The following CCNY variants were observed in gnomAD, a reference collection of about 807,000 sequenced individuals.
CCNY encodes cyclin Y, also known as cyclin-Y.
In CCNY, 19 loss-of-function variants were observed where a neutral mutation model predicts 42.8. The observed-to-expected ratio is 0.44, with a 90% CI of 0.31 to 0.65. The LOEUF (loss-of-function observed/expected upper bound fraction) is 0.65, where lower values mean the gene tolerates loss of function less well. Ranked by LOEUF, CCNY falls within the 30% of genes least tolerant of loss-of-function variation. The probability of loss-of-function intolerance (pLI) is 0.07; values close to 1 mark genes in which losing one functional copy is unlikely to be tolerated. For synonymous variants in CCNY, 165 were observed against 162.7 expected (o/e 1.01, Z -0.11); for missense variants, 370 against 437.3 (o/e 0.85, Z 1.37).
chr10:35,545,266 C>A (rs1399034764), intron 7 of CCNY, among the ~76,000 whole-genome samples: 1 of 152,226 alleles, frequency 6.6e-6, no homozygotes, highest in Admixed American at 6.5e-5. Flanking sequence ...GGTCTTTAGA[C>A]AGATATTCTG....
chr10:35,511,353 G>A (rs1464133849), intron 3 of CCNY, among the ~76,000 whole-genome samples: 1 of 152,112 alleles, frequency 6.6e-6, no homozygotes, highest in East Asian at 1.9e-4. Context: ...AGTGACTGGT[G>A]CTGTGGAGGG....
chr10:35,441,012 G>A (rs1197144039), intron 1 of CCNY, among the ~76,000 whole-genome samples: 1 of 152,160 alleles, frequency 6.6e-6, no homozygotes, highest in Non-Finnish European at 1.5e-5. Context: ...AGAAGAGAGA[G>A]TATACAATTG....
chr10:35,418,167 A>G (rs1230852070), intron 1 of CCNY, among the ~76,000 whole-genome samples: 13 of 152,236 alleles, frequency 8.5e-5, no homozygotes, highest in Admixed American at 1.3e-4. Context: ...GCTCTCTTTT[A>G]TATCAGGGCT....
intron 1 of CCNY, among the ~76,000 whole-genome samples, chr10:35,458,920 G>T (rs1042848056): frequency 6.6e-6 from 1 of 152,128 alleles, no homozygotes; most frequent in Non-Finnish European, 1.5e-5. Context: ...TTGATTCAGA[G>T]CAGAAAATGG....
upstream of CCNY, among the ~76,000 whole-genome samples, chr10:35,331,608 A>T (rs1835945464): frequency 6.6e-6 from 1 of 152,178 alleles, no homozygotes; most frequent in Non-Finnish European, 1.5e-5. Context: ...CTTCTCGGCT[A>T]AGCTGGAACA....
intron 3 of CCNY, among the ~76,000 whole-genome samples, chr10:35,288,177 A>G (rs1835376346): frequency 6.6e-6 from 1 of 152,168 alleles, no homozygotes; most frequent in African/African-American, 2.4e-5. Context: ...TAATCCTATT[A>G]TGATTTTAAT....
At chr10:35,499,111 GTGTCT>G (rs1463879147) in intron 2 of CCNY, among the ~76,000 whole-genome samples, 2 of 151,814 alleles carry the variant, frequency 1.3e-5, no homozygotes, top group African/African-American at 4.9e-5. Context: ...ATATTCTTCT[GTGTCT>G]GCTGTAGTTT....
At chr10:35,555,568 A>G (rs1199513862) in intron 8 of CCNY, among the ~76,000 whole-genome samples, 1 of 152,226 alleles carries the variant, frequency 6.6e-6, no homozygotes, top group Non-Finnish European at 1.5e-5. Flanking sequence ...TTTATCCATG[A>G]GGTGGTACTA....
At chr10:35,256,736 T>C (rs373428112) in intron 3 of CCNY, among the ~76,000 whole-genome samples, 2 of 111,724 alleles carry the variant, frequency 1.8e-5, no homozygotes, top group Admixed American at 9.2e-5. Context: ...GTCTCAAAAA[T>C]AAAACATTAA....
chr10:35,503,985 T>A (rs1180594386), intron 3 of CCNY, among the ~76,000 whole-genome samples: 1 of 152,198 alleles, frequency 6.6e-6, no homozygotes, highest in East Asian at 1.9e-4. Context: ...TCAACTGAAA[T>A]TTATCATTTA....
At chr10:35,268,654 G>T (rs1341854218) in intron 3 of CCNY, among the ~76,000 whole-genome samples, 1 of 152,196 alleles carries the variant, frequency 6.6e-6, no homozygotes, top group African/African-American at 2.4e-5. Context: ...TGGCCCCAAG[G>T]CTCTCTGAGG....
At chr10:35,565,457 C>T (rs972916637) in intron 8 of CCNY, among the ~76,000 whole-genome samples, 1 of 152,216 alleles carries the variant, frequency 6.6e-6, no homozygotes, top group Non-Finnish European at 1.5e-5. Flanking sequence ...TGCTTCCATT[C>T]TTCCCGGCTT....
intron 3 of CCNY, among the ~76,000 whole-genome samples, chr10:35,284,851 C>G (rs910186245): frequency 6.6e-6 from 1 of 152,010 alleles, no homozygotes; most frequent in Non-Finnish European, 1.5e-5. Context: ...TGTAATTTCC[C>G]TTGGAACTTC....
intron 4 of CCNY, 121 bp downstream of exon 4, chr10:35,516,744 G>A: frequency 1.6e-6 from 1 of 636,018 alleles, no homozygotes; most frequent in Non-Finnish European, 2.6e-6. Context: ...GGTTGGTTGT[G>A]GGGTCTGGGA....
At chr10:35,561,457 A>C (rs1841465070) in intron 8 of CCNY, among the ~76,000 whole-genome samples, 1 of 152,184 alleles carries the variant, frequency 6.6e-6, no homozygotes, top group South Asian at 2.1e-4. Flanking sequence ...GCGTTGTTTT[A>C]AACTTTTTGC....
intron 1 of CCNY, among the ~76,000 whole-genome samples, chr10:35,341,206 C>T (rs139511146): frequency 1.2e-3 from 188 of 152,334 alleles, no homozygotes; most frequent in African/African-American, 4.0e-3. Flanking sequence ...CATTGGCCTC[C>T]TTCCTTGCCC....
intron 1 of CCNY, among the ~76,000 whole-genome samples, chr10:35,479,496 T>C (rs1839608818): frequency 7.2e-6 from 1 of 138,508 alleles, no homozygotes; most frequent in Non-Finnish European, 1.5e-5. Flanking sequence ...CTCAGTAAAC[T>C]ATCGCAAGAA....
chr10:35,368,230 G>T (rs1340996807), intron 1 of CCNY, among the ~76,000 whole-genome samples: 1 of 152,204 alleles, frequency 6.6e-6, no homozygotes, highest in Non-Finnish European at 1.5e-5. Context: ...ATGACCTTCG[G>T]TGAGTCTTGT....
intron 2 of CCNY, among the ~76,000 whole-genome samples, chr10:35,486,474 C>G (rs979669469): frequency 1.4e-4 from 22 of 152,200 alleles, no homozygotes; most frequent in Admixed American, 1.4e-3. Flanking sequence ...TTCAGACTCA[C>G]AGTTCCCCAC....
Sources: allele counts gnomAD v4.1 joint callset (sites outside exome capture counted in the v4.1 genomes callset), GRCh38; gene constraint gnomAD v4.1.1; transcripts MANE v1.5; gene names NCBI Gene and HGNC (gene_info 2026-07-23, HGNC 2026-07-21).